The following CSMD3 variants were observed in gnomAD, a reference collection of about 807,000 sequenced individuals.
CSMD3 encodes CUB and sushi domain-containing protein 3.
In CSMD3, 177 loss-of-function variants were observed where a neutral mutation model predicts 435.2. The ratio of observed to expected loss-of-function variants is 0.41; its 90% CI spans 0.36 to 0.46. CSMD3 has a LOEUF of 0.46. Ranked by LOEUF, CSMD3 falls within the 20% of genes least tolerant of loss-of-function variation. CSMD3 has a pLI of 0.34. For synonymous variants in CSMD3, 1,656 were observed against 1,520.5 expected, an observed-to-expected ratio of 1.09 and a Z score of -2.07; for missense variants, 4,265 against 4,504.6, an observed-to-expected ratio of 0.95 and a Z score of 1.52.
At chr8:113,381,722 T>G (rs2094416645) in intron 1 of CSMD3, among the ~76,000 whole-genome samples, 1 of 151,876 alleles carries the variant, frequency 6.6e-6, no homozygotes, top group African/African-American at 2.4e-5. Flanking sequence ...GCCAATTCAA[T>G]AAAGGAGGTA....
rs1468486065 is a variant in CSMD3 at position 112,612,107 on chromosome 8, G to A, written c.3715+24710C>T. Among the ~76,000 whole-genome samples the A allele has an allele frequency of 2.0e-5, 3 of 152,218 alleles. No individual in the cohort carries two copies. The South Asian group carries it at 6.2e-4, about 32-fold the overall frequency. On this transcript the variant is annotated intron_variant, in intron 22 of 70. Transcript: ENST00000297405. The stretch of plus-strand genomic sequence containing the variant: ...TAGTTGAGGAAAGCCCAGAGATAAA[G>A]AGAACCTAATCAGGTTTTAAAAGCA...
chr8:113,269,190 G>A (rs868706369), intron 3 of CSMD3, among the ~76,000 whole-genome samples: 5 of 151,970 alleles, frequency 3.3e-5, no homozygotes, highest in African/African-American at 7.2e-5. Context: ...CCCAAATCAC[G>A]GGTAAACTCC....
intron 22 of CSMD3, among the ~76,000 whole-genome samples, chr8:112,618,415 G>C (rs1321803262): frequency 6.6e-6 from 1 of 152,028 alleles, no homozygotes; most frequent in African/African-American, 2.4e-5. Context: ...AGAAAAGAAG[G>C]CACAACTTTT....
chr8:112,975,721 T>TA, intron 7 of CSMD3, 116 bp downstream of exon 7: 1 of 1,529,074 alleles, frequency 6.5e-7, no homozygotes, highest in South Asian at 1.2e-5. Flanking sequence ...ACTTTGAACT[T>TA]TTTCTTTTGC....
chr8:113,057,255 C>T (rs1412704924), intron 5 of CSMD3, among the ~76,000 whole-genome samples: 1 of 152,064 alleles, frequency 6.6e-6, no homozygotes, highest in Non-Finnish European at 1.5e-5. Flanking sequence ...ATTTCAGAAG[C>T]CCTGGCCTTA....
chr8:113,178,768 T>C (rs1425376985), intron 3 of CSMD3, among the ~76,000 whole-genome samples: 1 of 151,886 alleles, frequency 6.6e-6, no homozygotes, highest in Non-Finnish European at 1.5e-5. Context: ...TTATTAGGTT[T>C]GGCAATACAA....
chr8:113,219,299 G>A (rs1447432713), intron 3 of CSMD3, among the ~76,000 whole-genome samples: 15 of 151,110 alleles, frequency 9.9e-5, no homozygotes, highest in Admixed American at 8.0e-4. Context: ...ATACCTATCC[G>A]CAAATGACAT....
At chr8:112,752,147 T>A (rs1009005187) in intron 13 of CSMD3, among the ~76,000 whole-genome samples, 6 of 152,212 alleles carry the variant, frequency 3.9e-5, no homozygotes, top group Non-Finnish European at 8.8e-5. Flanking sequence ...TAACACACTA[T>A]TTAACCTTGT....
chr8:112,856,451 T>C (rs2080661516), intron 11 of CSMD3, among the ~76,000 whole-genome samples: 1 of 151,834 alleles, frequency 6.6e-6, no homozygotes, highest in African/African-American at 2.4e-5. Flanking sequence ...TTAAGTCCAG[T>C]AAATAACAGG....
In CSMD3 at chr8:112,547,596, C is replaced by T. The variant is rs570813715; in HGVS notation, c.4564+3075G>A. Among the ~76,000 whole-genome samples, 36 of 152,112 alleles carry T rather than the reference C, an allele frequency of 2.4e-4. 1 individual carries two copies. The highest frequency in any genetic ancestry group is 7.9e-4 in the Admixed American group (12 of 15,270). On this transcript the variant is annotated intron_variant, in intron 27 of 70. Coordinates refer to ENST00000297405, the MANE Select transcript of CSMD3 (RefSeq NM_198123.2). ...AAACTTCTAGAACAATGAATTGCTACGCCTTTTATACTGGTCTTTATTTGG... is the reference window on the plus strand; with the variant it reads ...AAACTTCTAGAACAATGAATTGCTATGCCTTTTATACTGGTCTTTATTTGG...
At chr8:113,141,826 T>TA in intron 4 of CSMD3, among the ~76,000 whole-genome samples, 1 of 150,966 alleles carries the variant, frequency 6.6e-6, no homozygotes, top group Non-Finnish European at 1.5e-5. Flanking sequence ...AGTAATACGA[T>TA]AAACACAAAG....
intron 1 of CSMD3, among the ~76,000 whole-genome samples, chr8:113,411,646 ATTTTCATTTCATGTGC>A (rs2094560331): frequency 6.6e-6 from 1 of 152,168 alleles, no homozygotes; most frequent in Non-Finnish European, 1.5e-5. Context: ...CTAAAAGTAG[ATTTTCATTTCATGTGC>A]TTACAGAATT....
chr8:113,383,444 G>A (rs2094425948), intron 1 of CSMD3, among the ~76,000 whole-genome samples: 1 of 152,160 alleles, frequency 6.6e-6, no homozygotes, highest in African/African-American at 2.4e-5. Context: ...AAGTGGAAAT[G>A]GAGAGATGCA....
intron 65 of CSMD3, 80 bp from the exon 66 acceptor site, chr8:112,241,865 C>CAT (rs1814202753): frequency 8.1e-6 from 7 of 869,486 alleles, no homozygotes; most frequent in Admixed American, 3.4e-5. Context: ...CACGCACACA[C>CAT]ACACACAGTG....
intron 3 of CSMD3, among the ~76,000 whole-genome samples, chr8:113,248,806 A>C (rs1432585647): frequency 6.6e-6 from 1 of 151,970 alleles, no homozygotes; most frequent in East Asian, 1.9e-4. Flanking sequence ...TAAGTATTTT[A>C]AATCTGGTAT....
At chr8:112,894,770 T>G (rs561119704) in intron 10 of CSMD3, among the ~76,000 whole-genome samples, 2 of 151,472 alleles carry the variant, frequency 1.3e-5, no homozygotes, top group South Asian at 4.1e-4. Context: ...CTACTACTAA[T>G]GTATTAATTG....
chr8:113,376,854 C>T (rs2094387280), intron 1 of CSMD3: 1 of 1,612,340 alleles, frequency 6.2e-7, no homozygotes, highest in Non-Finnish European at 8.5e-7. Flanking sequence ...CACCTCTGCC[C>T]CTTTCCCGGA....
At chr8:112,982,162 G>T (rs1365651255) in intron 6 of CSMD3, among the ~76,000 whole-genome samples, 2 of 151,844 alleles carry the variant, frequency 1.3e-5, no homozygotes, top group Non-Finnish European at 2.9e-5. Context: ...TTTCTCCGAT[G>T]TGTAGAGGTG....
At chr8:112,790,823 T>C (rs2078669549) in intron 13 of CSMD3, among the ~76,000 whole-genome samples, 1 of 152,194 alleles carries the variant, frequency 6.6e-6, no homozygotes, top group African/African-American at 2.4e-5. Context: ...TTATAATCTT[T>C]TTCTTATTCT....
Sources: allele counts gnomAD v4.1 joint callset (sites outside exome capture counted in the v4.1 genomes callset), GRCh38; gene constraint gnomAD v4.1.1; transcripts MANE v1.5; gene names NCBI Gene and HGNC (gene_info 2026-07-23, HGNC 2026-07-21).